SYNPR: variants seen among roughly 807,000 people sequenced by gnomAD.
SYNPR encodes synaptoporin.
A neutral mutation model predicts 32.9 loss-of-function variants in SYNPR; 23 were observed. The ratio of observed to expected loss-of-function variants is 0.70; its 90% CI spans 0.50 to 0.99. SYNPR has a LOEUF of 0.99. Among genes scored for constraint, SYNPR ranks in the 50% least tolerant of loss-of-function variants. The pLI, the probability that SYNPR is intolerant of heterozygous loss-of-function variation, is 0.00. For synonymous variants in SYNPR, 146 were observed against 135.9 expected (o/e 1.07, Z -0.52); for missense variants, 318 against 349.3 (o/e 0.91, Z 0.71).
At chr3:63,425,646 C>T (rs1699878700) in intron 2 of SYNPR, among the ~76,000 whole-genome samples, 1 of 152,122 alleles carries the variant, frequency 6.6e-6, no homozygotes, top group Non-Finnish European at 1.5e-5. Context: ...AGGCTTCATC[C>T]ATTACTATCT....
At chr3:63,344,992 T>G (rs1438776417) in intron 2 of SYNPR, among the ~76,000 whole-genome samples, 1 of 152,152 alleles carries the variant, frequency 6.6e-6, no homozygotes, top group African/African-American at 2.4e-5. Context: ...GTTTCCAGAA[T>G]GAAAAAGTCT....
chr3:63,510,901 G>A (rs904289406), intron 3 of SYNPR, among the ~76,000 whole-genome samples: 1 of 149,948 alleles, frequency 6.7e-6, no homozygotes, highest in Admixed American at 6.6e-5. Flanking sequence ...TAAATGAAAA[G>A]GCAAAAGGTA....
chr3:63,479,889 T>G (rs1430801110), intron 2 of SYNPR, among the ~76,000 whole-genome samples: 3 of 152,196 alleles, frequency 2.0e-5, no homozygotes. Context: ...AATGAGCTGG[T>G]GTTTCCAGTA....
intron 2 of SYNPR, among the ~76,000 whole-genome samples, chr3:63,375,356 C>T (rs1047523015): frequency 6.6e-6 from 1 of 152,070 alleles, no homozygotes; most frequent in African/African-American, 2.4e-5. Context: ...ATTAAGAAAA[C>T]ATGGCACATA....
chr3:63,264,213 T>C (rs1177748151), intron 2 of SYNPR, among the ~76,000 whole-genome samples: 1 of 152,108 alleles, frequency 6.6e-6, no homozygotes, highest in Non-Finnish European at 1.5e-5. Context: ...AACCCAGGGG[T>C]TCCATACATT....
At chr3:63,506,444 G>T (rs1378705198) in intron 3 of SYNPR, among the ~76,000 whole-genome samples, 3 of 152,060 alleles carry the variant, frequency 2.0e-5, no homozygotes, top group Admixed American at 2.0e-4. Flanking sequence ...GAATGAGTTA[G>T]GCCAGTGATC....
chr3:63,563,254 C>A (rs919469105), intron 4 of SYNPR, among the ~76,000 whole-genome samples: 1 of 152,112 alleles, frequency 6.6e-6, no homozygotes, highest in Non-Finnish European at 1.5e-5. Flanking sequence ...TCCAATTAAC[C>A]TTTGTGTTTC....
intron 2 of SYNPR, among the ~76,000 whole-genome samples, chr3:63,393,496 C>CTTTTTTTTTTTTTTTTTTT (rs71631152): frequency 4.7e-5 from 4 of 84,504 alleles, no homozygotes; most frequent in East Asian, 3.9e-4. Flanking sequence ...TCTTTCTTCT[C>CTTTTTTTTTTTTTTTTTTT]TTTTTTTTTT....
rs1404213087 is a variant in SYNPR at position 63,445,617 on chromosome 3, T to G, written c.85-35215T>G. On this transcript the variant is annotated intron_variant, in intron 2 of 5. Coordinates refer to ENST00000478300, the MANE Select transcript of SYNPR (RefSeq NM_001130003.2). Reference sequence around the variant, plus strand: ...ATGCCTGGCACTGTGCTAAGCATTTTACATGGCTTATCCCCTTTAATCTTG... The same window carrying G: ...ATGCCTGGCACTGTGCTAAGCATTTGACATGGCTTATCCCCTTTAATCTTG... 4.4e-6 allele frequency: 3 copies of G among 676,068 alleles called. No individual in the cohort carries two copies. The African/African-American group carries it at 5.3e-5, about 12-fold the overall frequency. The allele number at this position is 676,068 out of a possible 1,614,324, so 41.9% of individuals were successfully genotyped here. A position where few individuals can be genotyped will look rare whatever the true frequency, so the allele number is the denominator to read the frequency against.
intron 2 of SYNPR, among the ~76,000 whole-genome samples, chr3:63,324,679 G>A (rs2087146561): frequency 6.6e-6 from 1 of 152,054 alleles, no homozygotes; most frequent in Admixed American, 6.6e-5. Context: ...GTCCTCTTTG[G>A]TGCTTTGAAA....
At chr3:63,385,335 AC>A (rs1376614921) in intron 2 of SYNPR, among the ~76,000 whole-genome samples, 1 of 152,200 alleles carries the variant, frequency 6.6e-6, no homozygotes, top group Admixed American at 6.5e-5. Flanking sequence ...ACATGGTGGC[AC>A]CAAACTGAGA....
intron 2 of SYNPR, among the ~76,000 whole-genome samples, chr3:63,318,314 G>A (rs1362832248): frequency 6.6e-6 from 1 of 151,968 alleles, no homozygotes; most frequent in Admixed American, 6.6e-5. Context: ...AGCAAGGCCA[G>A]GGAAGTTTTC....
chr3:63,429,023 C>T (rs1699938580), intron 2 of SYNPR, among the ~76,000 whole-genome samples: 1 of 152,160 alleles, frequency 6.6e-6, no homozygotes, highest in South Asian at 2.1e-4. Context: ...ATATGCTACA[C>T]ACATGAACGA....
At chr3:63,354,382 TA>T (rs1372956624) in intron 2 of SYNPR, among the ~76,000 whole-genome samples, 1 of 152,184 alleles carries the variant, frequency 6.6e-6, no homozygotes, top group Non-Finnish European at 1.5e-5. Flanking sequence ...ACCTCCACTT[TA>T]GGGCTGTGTG....
chr3:63,484,208 T>C (rs1368118419), intron 3 of SYNPR, among the ~76,000 whole-genome samples: 2 of 152,204 alleles, frequency 1.3e-5, no homozygotes, highest in Non-Finnish European at 2.9e-5. Context: ...ATGTATCATA[T>C]TGTTATAGAA....
chr3:63,491,249 C>G (rs151098133), intron 3 of SYNPR, among the ~76,000 whole-genome samples: 1 of 152,218 alleles, frequency 6.6e-6, no homozygotes, highest in South Asian at 2.1e-4. Context: ...TTGCCCAAAT[C>G]GGTAGGGGTC....
chr3:63,354,834 G>A (rs968851149), intron 2 of SYNPR, among the ~76,000 whole-genome samples: 3 of 152,162 alleles, frequency 2.0e-5, no homozygotes, highest in African/African-American at 7.2e-5. Flanking sequence ...CTACTGACAT[G>A]CATCTTTATA....
chr3:63,436,555 G>T (rs1700088298), intron 2 of SYNPR, among the ~76,000 whole-genome samples: 1 of 152,014 alleles, frequency 6.6e-6, no homozygotes, highest in Non-Finnish European at 1.5e-5. Context: ...GTTTCTAAAG[G>T]GACTCAGCCC....
chr3:63,589,029 T>C (rs1703254798), intron 4 of SYNPR, among the ~76,000 whole-genome samples: 1 of 152,044 alleles, frequency 6.6e-6, no homozygotes, highest in East Asian at 1.9e-4. Flanking sequence ...CAACCCAGTA[T>C]CAACATGCAT....
Sources: gnomAD v4.1 joint callset for allele counts (sites outside exome capture counted in the v4.1 genomes callset) on GRCh38, gnomAD v4.1.1 for gene constraint, MANE v1.5 for transcripts, NCBI Gene and HGNC (gene_info 2026-07-23, HGNC 2026-07-21) for gene names.